ENTPD1: variants seen among roughly 807,000 people sequenced by gnomAD.
ENTPD1 encodes the protein ATP diphosphohydrolase.
Under a neutral mutation model 57.0 loss-of-function variants are expected in ENTPD1, and 33 were observed. The observed-to-expected ratio is 0.58, with a 90% CI of 0.44 to 0.77. ENTPD1 has a LOEUF of 0.77. Ranked by LOEUF, ENTPD1 falls within the 30% of genes least tolerant of loss-of-function variation. ENTPD1 has a pLI of 0.00. For missense variants in ENTPD1, 501 were observed against 603.4 expected (o/e 0.83, Z 1.78); for synonymous variants, 202 against 218.8 (o/e 0.92, Z 0.68).
chr10:95,705,469 G>A, the ENTPD1 span, among the ~76,000 whole-genome samples: 2 of 152,010 alleles, frequency 1.3e-5, no homozygotes, highest in African/African-American at 4.8e-5. Context: ...AATGAACAAA[G>A]TACTGCCACA....
In ENTPD1 at chr10:95,874,082, CT is replaced by C; in HGVS notation, c.*7700del. On this transcript the variant is annotated 3_prime_UTR_variant, in exon 10 of 10. Coordinates refer to ENST00000371205, the MANE Select transcript of ENTPD1 (RefSeq NM_001776.6). ...CTGGGCTCCTCCAAATTTCATAATC[CT>C]CACATTTCAAAACCAATCATTCCTT... Among the ~76,000 whole-genome samples the C allele has an allele frequency of 6.6e-6, 1 of 152,120 alleles. No homozygotes were observed. The highest frequency in any genetic ancestry group is 6.5e-5 in the Admixed American group (1 of 15,278).
Position 95,873,610 on chromosome 10 carries a change from C to T in ENTPD1, c.*7227C>T. 3 of 985,460 alleles carry T rather than the reference C, an allele frequency of 3.0e-6. No homozygotes were observed. The highest frequency in any genetic ancestry group is 3.6e-6 in the Non-Finnish European group (3 of 829,942). 61.0% of individuals were successfully genotyped at this position (985,460 alleles called of 1,614,324 possible). On this transcript the variant is annotated 3_prime_UTR_variant, in exon 10 of 10. Coordinates refer to ENST00000371205, the MANE Select transcript of ENTPD1 (RefSeq NM_001776.6). ...TTAGCTGGTTTCTTATTACTCCTGTCTATGGATGTTTCCTTCTGTCACTCT... is the reference window on the plus strand; with the variant it reads ...TTAGCTGGTTTCTTATTACTCCTGTTTATGGATGTTTCCTTCTGTCACTCT...
intron 1 of ENTPD1, among the ~76,000 whole-genome samples, chr10:95,789,725 A>T (rs947793588): frequency 2.6e-5 from 4 of 152,240 alleles, no homozygotes; most frequent in Non-Finnish European, 5.9e-5. Flanking sequence ...ATCAAAGCTT[A>T]CACAATTACA....
upstream of ENTPD1, among the ~76,000 whole-genome samples, chr10:95,708,145 A>G (rs1275169475): frequency 3.9e-5 from 6 of 152,152 alleles, no homozygotes; most frequent in Admixed American, 3.3e-4. Flanking sequence ...GTATCTATTA[A>G]GTTTTTATAT....
intron 1 of ENTPD1, among the ~76,000 whole-genome samples, chr10:95,788,415 G>A (rs1232541866): frequency 6.6e-5 from 10 of 152,120 alleles, no homozygotes; most frequent in African/African-American, 1.2e-4. Flanking sequence ...TCAGGAGTTC[G>A]AGACCAGCCT....
Position 95,870,072 on chromosome 10 carries a change from TATTATATATGAC to T in ENTPD1, c.*3695_*3706del. 2 of 985,374 alleles carry T rather than the reference TATTATATATGAC, an allele frequency of 2.0e-6. No individual in the cohort carries two copies. Among genetic ancestry groups the T allele is most frequent in the Non-Finnish European group, 2.4e-6 (2 of 829,884 alleles). 61.0% of individuals were successfully genotyped at this position (985,374 alleles called of 1,614,324 possible). On this transcript the variant is annotated 3_prime_UTR_variant, in exon 10 of 10. Transcript: ENST00000371205. ...ATGCTGTAACATTCTTGCTATTATT[TATTATATATGAC>T]ATTATTCCTAAAAAAGCTTTTGAGA...
At chr10:95,857,271 T>C (rs2098456781) in intron 7 of ENTPD1, among the ~76,000 whole-genome samples, 1 of 152,192 alleles carries the variant, frequency 6.6e-6, no homozygotes, top group Non-Finnish European at 1.5e-5. Flanking sequence ...ATCTACCTCA[T>C]AGAAATTTGT....
At chr10:95,748,631 C>T (rs1187967830) in intron 1 of ENTPD1, among the ~76,000 whole-genome samples, 1 of 152,154 alleles carries the variant, frequency 6.6e-6, no homozygotes, top group East Asian at 1.9e-4. Flanking sequence ...TACTATCATA[C>T]CTTAAAAGTT....
chr10:95,873,298 G>T lies in ENTPD1; in HGVS notation c.*6915G>T, dbSNP rs913470715. 14 of 985,238 alleles carry T rather than the reference G, an allele frequency of 1.4e-5. No homozygotes were observed. Among genetic ancestry groups the T allele is most frequent in the Non-Finnish European group, 1.7e-5 (14 of 829,946 alleles). 61.0% of individuals were successfully genotyped at this position (985,238 alleles called of 1,614,324 possible). A position where few individuals can be genotyped will look rare whatever the true frequency, so the allele number is the denominator to read the frequency against. On this transcript the variant is annotated 3_prime_UTR_variant, in exon 10 of 10. Transcript: ENST00000371205. ...TGTTCCACAGCAGGCCAGCTAACGT[G>T]GTATTTACAAAGCTCACTCCTCTTA...
intron 1 of ENTPD1, among the ~76,000 whole-genome samples, chr10:95,734,566 G>A (rs908362389): frequency 2.6e-5 from 4 of 152,188 alleles, no homozygotes; most frequent in Non-Finnish European, 2.9e-5. Flanking sequence ...ACAATTAAAC[G>A]GAGAAGGGGG....
chr10:95,730,135 C>T (rs773800972), intron 1 of ENTPD1, among the ~76,000 whole-genome samples: 16 of 152,152 alleles, frequency 1.1e-4, no homozygotes, highest in African/African-American at 3.9e-4. Flanking sequence ...CTCCCAGGCT[C>T]AAGTGATCTT....
rs2098478194 is a variant in ENTPD1, at chr10:95,869,525, C to T, written c.*3142C>T. On this transcript the variant is annotated 3_prime_UTR_variant, in exon 10 of 10. Coordinates refer to ENST00000371205, the MANE Select transcript of ENTPD1 (RefSeq NM_001776.6). ...TCGGGCTCCCAAAGTGCTGGGATTA[C>T]AGGAGTGAGCCACCATGCCTGGCCA... 2 of 984,190 alleles carry T rather than the reference C, an allele frequency of 2.0e-6. No homozygotes were observed. The highest frequency in any genetic ancestry group is 2.4e-6 in the Non-Finnish European group (2 of 828,928). The allele number at this position is 984,190 out of a possible 1,614,324, so 61.0% of individuals were successfully genotyped here. A position where few individuals can be genotyped will look rare whatever the true frequency, so the allele number is the denominator to read the frequency against.
intron 1 of ENTPD1, among the ~76,000 whole-genome samples, chr10:95,757,451 C>CAGAAA: frequency 6.6e-6 from 1 of 152,200 alleles, no homozygotes; most frequent in Admixed American, 6.5e-5. Flanking sequence ...TACTGTTTCT[C>CAGAAA]TGCTTTTTCT....
At chr10:95,829,876 C>T (rs1363547047) in intron 2 of ENTPD1, among the ~76,000 whole-genome samples, 1 of 151,984 alleles carries the variant, frequency 6.6e-6, no homozygotes, top group Non-Finnish European at 1.5e-5. Flanking sequence ...TGGATTAATC[C>T]ATTCATGGAT....
At chr10:95,755,678 T>C, upstream of ENTPD1, 3 of 1,537,118 alleles carry the variant, frequency 2.0e-6, no homozygotes, top group East Asian at 7.3e-5. Context: ...CTAATGAGCC[T>C]TGAGAAAGGA....
At chr10:95,784,575 A>C (rs2098171178) in intron 1 of ENTPD1, among the ~76,000 whole-genome samples, 1 of 152,142 alleles carries the variant, frequency 6.6e-6, no homozygotes, top group Non-Finnish European at 1.5e-5. Flanking sequence ...CCAGAGACCA[A>C]TTGCTATATG....
chr10:95,790,748 A>G (rs1438045925), intron 1 of ENTPD1, among the ~76,000 whole-genome samples: 1 of 152,190 alleles, frequency 6.6e-6, no homozygotes, highest in Admixed American at 6.5e-5. Context: ...CTTTCATGAT[A>G]TGCCCAAAGA....
intron 1 of ENTPD1, among the ~76,000 whole-genome samples, chr10:95,747,605 T>C (rs965919328): frequency 6.6e-6 from 1 of 152,192 alleles, no homozygotes. Context: ...TGGTTCCTGC[T>C]TGGTCACTGT....
At chr10:95,790,043 T>TTC (rs2098197044) in intron 1 of ENTPD1, among the ~76,000 whole-genome samples, 1 of 152,100 alleles carries the variant, frequency 6.6e-6, no homozygotes, top group Non-Finnish European at 1.5e-5. Context: ...GTACCACGAG[T>TTC]GATATTGGAA....
Sources: allele counts gnomAD v4.1 joint callset (sites outside exome capture counted in the v4.1 genomes callset), GRCh38; gene constraint gnomAD v4.1.1; transcripts MANE v1.5; gene names NCBI Gene and HGNC (gene_info 2026-07-23, HGNC 2026-07-21).